Variants in HTRA1 observed in about 807,000 individuals in gnomAD.
HTRA1 encodes HtrA serine peptidase 1.
A neutral mutation model predicts 49.7 loss-of-function variants in HTRA1; 26 were observed. The ratio of observed to expected loss-of-function variants is 0.52; its 90% CI spans 0.38 to 0.73. HTRA1 has a LOEUF of 0.73. Among genes scored for constraint, HTRA1 ranks in the 30% least tolerant of loss-of-function variants. The probability of loss-of-function intolerance (pLI) is 0.00; values close to 1 mark genes in which losing one functional copy is unlikely to be tolerated. For synonymous variants in HTRA1, 291 were observed against 286.9 expected, an observed-to-expected ratio of 1.01 and a Z score of -0.14; for missense variants, 561 against 667.2, an observed-to-expected ratio of 0.84 and a Z score of 1.75.
At chr10:122,478,285 A>C (rs996755205) in intron 1 of HTRA1, among the ~76,000 whole-genome samples, 4 of 151,738 alleles carry the variant, frequency 2.6e-5, no homozygotes, top group African/African-American at 9.7e-5. Context: ...CCTTGGCTGG[A>C]GTATGCACTG....
chr10:122,461,696 TG>T lies in HTRA1; in HGVS notation c.45del (p.Leu16TrpfsTer199). The stretch of plus-strand genomic sequence containing the variant: ...GCTCTTCTCCCGCTGCTGCTGCTGC[TG>T]CTGGCGGCGCCCGCCTCGGCGCAGC... ...RAALLPLLLL[L>X]LAAPASAQLS... On this transcript the variant is annotated frameshift_variant, in exon 1 of 9. Transcript: ENST00000368984. LOFTEE classifies it high-confidence loss of function. The T allele has an allele frequency of 7.7e-7, 1 of 1,303,592 alleles. No homozygotes were observed. Among genetic ancestry groups the T allele is most frequent in the Non-Finnish European group, 9.9e-7 (1 of 1,010,686 alleles). 80.8% of individuals were successfully genotyped at this position (1,303,592 alleles called of 1,614,324 possible).
At chr10:122,491,963 C>CT (rs1216222003) in intron 3 of HTRA1, among the ~76,000 whole-genome samples, 2 of 152,172 alleles carry the variant, frequency 1.3e-5, no homozygotes, top group Non-Finnish European at 2.9e-5. Flanking sequence ...TCTCTTCCAG[C>CT]TTTTTCTCTT....
In HTRA1 at chr10:122,505,240, T is replaced by C. The variant is rs530565821; in HGVS notation, c.778-1451T>C. Among the ~76,000 whole-genome samples, 13 of 152,312 alleles carry C rather than the reference T, an allele frequency of 8.5e-5. No homozygotes were observed. In the South Asian group the frequency reaches 2.7e-3, roughly 32 times the overall value. ...GCAGCCTGGCCCCAGGTGTGTGCTC[T>C]TGACCATGGACAGTGCTCTCCTGGT... On this transcript the variant is annotated intron_variant, in intron 3 of 8. Coordinates refer to ENST00000368984, the MANE Select transcript of HTRA1 (RefSeq NM_002775.5).
In HTRA1 at chr10:122,490,091, G is replaced by A. The variant is rs1484655239; in HGVS notation, c.777+465G>A. Among the ~76,000 whole-genome samples the A allele has an allele frequency of 6.6e-6, 1 of 152,140 alleles. No homozygotes were observed. The highest frequency in any genetic ancestry group is 1.5e-5 in the Non-Finnish European group (1 of 68,028). On this transcript the variant is annotated intron_variant, in intron 3 of 8. Coordinates refer to ENST00000368984, the MANE Select transcript of HTRA1 (RefSeq NM_002775.5). This position sits in a 1 kb window ranked among gnomAD's most constrained non-coding sequence, Gnocchi z 4.2. ...AACAAACCAGCTCTCCCAAATTGGGGTTTTGCGGGGTTATGAGATGTGTTT... is the reference window on the plus strand; with the variant it reads ...AACAAACCAGCTCTCCCAAATTGGGATTTTGCGGGGTTATGAGATGTGTTT...
intron 3 of HTRA1, among the ~76,000 whole-genome samples, chr10:122,502,345 A>T (rs2097501235): frequency 6.6e-6 from 1 of 152,216 alleles, no homozygotes; most frequent in South Asian, 2.1e-4. Flanking sequence ...ACTAAGAGCC[A>T]TCTTTAATCA....
intron 3 of HTRA1, among the ~76,000 whole-genome samples, chr10:122,504,179 G>A (rs1016018388): frequency 6.6e-6 from 1 of 152,174 alleles, no homozygotes; most frequent in Non-Finnish European, 1.5e-5. Flanking sequence ...CCCTGCCTGG[G>A]GGCTCCCCCG....
chr10:122,488,111 C>T (rs532956473), intron 1 of HTRA1, among the ~76,000 whole-genome samples: 2 of 152,208 alleles, frequency 1.3e-5, no homozygotes, highest in South Asian at 2.1e-4. Flanking sequence ...CCTTTGCCTT[C>T]GTGTTTCTTC....
intron 3 of HTRA1, among the ~76,000 whole-genome samples, chr10:122,499,803 G>A (rs938300435): frequency 3.0e-4 from 46 of 152,330 alleles, no homozygotes; most frequent in African/African-American, 1.1e-3. Context: ...GTTTCCAGAA[G>A]GCACATTGAA....
chr10:122,500,869 C>G (rs189795502), intron 3 of HTRA1, among the ~76,000 whole-genome samples: 1 of 152,176 alleles, frequency 6.6e-6, no homozygotes, highest in Non-Finnish European at 1.5e-5. Context: ...CCTCCCTTCC[C>G]GTGGTGGGCC....
intron 1 of HTRA1, among the ~76,000 whole-genome samples, chr10:122,472,295 T>C (rs1324412055): frequency 6.6e-6 from 1 of 151,580 alleles, no homozygotes; most frequent in African/African-American, 2.4e-5. Flanking sequence ...AAATGTAATT[T>C]AATCATATGA....
chr10:122,496,232 T>TTTTTTTG, intron 3 of HTRA1, among the ~76,000 whole-genome samples: 1 of 66,704 alleles, frequency 1.5e-5, no homozygotes, highest in Non-Finnish European at 2.9e-5. Context: ...TGGGTTCTTT[T>TTTTTTTG]TTTTTTTTTT....
At chr10:122,503,091 T>C (rs2097501618) in intron 3 of HTRA1, among the ~76,000 whole-genome samples, 2 of 152,138 alleles carry the variant, frequency 1.3e-5, no homozygotes. Flanking sequence ...CGGTGCCGCT[T>C]TAAAGGGAGA....
At position 122,506,992 on chromosome 10, in the gene HTRA1, G is replaced by A. The variant is rs142072298; in HGVS notation, c.972+107G>A. 5 of 988,690 alleles carry A rather than the reference G, an allele frequency of 5.1e-6. No individual in the cohort carries two copies. Among genetic ancestry groups the A allele is most frequent in the Non-Finnish European group, 7.7e-6 (5 of 645,554 alleles). The allele number at this position is 988,690 out of a possible 1,614,324, so 61.2% of individuals were successfully genotyped here. A position where few individuals can be genotyped will look rare whatever the true frequency, so the allele number is the denominator to read the frequency against. On this transcript the variant is annotated intron_variant, in intron 4 of 8. Coordinates refer to ENST00000368984, the MANE Select transcript of HTRA1 (RefSeq NM_002775.5). The surrounding 1 kb of genome is among the most constrained non-coding windows in gnomAD (Gnocchi z 5.2). ...GACTTTGTTGTAGTCTGCGTGAAGG[G>A]ATGGAACTAGACCAAGCCATGTGGA... is the stretch of plus-strand genomic sequence containing the variant.
chr10:122,468,402 G>GTCATCA (rs148200348), intron 1 of HTRA1, among the ~76,000 whole-genome samples: 76 of 148,662 alleles, frequency 5.1e-4, no homozygotes, highest in East Asian at 1.2e-3. Context: ...TGTTGTCATT[G>GTCATCA]TCATCATCAT....
chr10:122,501,162 C>T (rs1464291852), intron 3 of HTRA1, among the ~76,000 whole-genome samples: 1 of 152,180 alleles, frequency 6.6e-6, no homozygotes, highest in East Asian at 1.9e-4. Flanking sequence ...TGCCCATCCA[C>T]AGGGTGGTGG....
At chr10:122,510,559 C>T (rs1213297457) in intron 7 of HTRA1, among the ~76,000 whole-genome samples, 1 of 152,204 alleles carries the variant, frequency 6.6e-6, no homozygotes, top group Non-Finnish European at 1.5e-5. Context: ...GCTTTCGTTG[C>T]TCTGCAGCTC....
rs143686775 is a variant in HTRA1 at position 122,512,845 on chromosome 10, C to T, written c.1274+780C>T. 2.4e-3 allele frequency among the ~76,000 whole-genome samples: 370 copies of T among 152,282 alleles called. 3 individuals are homozygous for T. The highest frequency in any genetic ancestry group is 8.2e-3 in the African/African-American group (340 of 41,554). On this transcript the variant is annotated intron_variant, in intron 8 of 8. Coordinates refer to ENST00000368984, the MANE Select transcript of HTRA1 (RefSeq NM_002775.5). The stretch of plus-strand genomic sequence containing the variant: ...ACCCAATTTGTAGTCTTTTATCCCT[C>T]ATCCCTGTCCCAGCCTTTCCCCTTG...
chr10:122,483,819 G>A (rs2097492026), intron 1 of HTRA1, among the ~76,000 whole-genome samples: 2 of 152,010 alleles, frequency 1.3e-5, no homozygotes, highest in South Asian at 4.1e-4. Context: ...CTAATTACTT[G>A]ATATTTATTT....
chr10:122,493,143 C>A (rs1368495011), intron 3 of HTRA1, among the ~76,000 whole-genome samples: 2 of 152,194 alleles, frequency 1.3e-5, no homozygotes, highest in Admixed American at 6.5e-5. Context: ...CCCGGAAGAG[C>A]TTTTGGGAGA....
Sources: gnomAD v4.1 joint callset for allele counts (sites outside exome capture counted in the v4.1 genomes callset) on GRCh38, gnomAD v4.1.1 for gene constraint, Gnocchi (gnomAD v3.1) non-coding constraint, MANE v1.5 for transcripts, NCBI Gene and HGNC (gene_info 2026-07-23, HGNC 2026-07-21) for gene names.